MPPED2: variants seen among roughly 807,000 people sequenced by gnomAD.
The protein encoded by MPPED2 is metallophosphoesterase MPPED2.
A neutral mutation model predicts 33.0 loss-of-function variants in MPPED2; 5 were observed. The observed-to-expected ratio is 0.15, with a 90% CI of 0.08 to 0.32. The LOEUF (loss-of-function observed/expected upper bound fraction) is 0.32. Ranked by LOEUF, MPPED2 falls within the 10% of genes least tolerant of loss-of-function variation. The pLI is 1.00. For synonymous variants in MPPED2, 136 were observed against 141.9 expected, an observed-to-expected ratio of 0.96 and a Z score of 0.29; for missense variants, 275 against 372.1, an observed-to-expected ratio of 0.74 and a Z score of 2.15.
At chr11:30,506,510 T>TAACA (rs1440718457) in intron 3 of MPPED2, among the ~76,000 whole-genome samples, 1 of 152,194 alleles carries the variant, frequency 6.6e-6, no homozygotes, top group Non-Finnish European at 1.5e-5. Context: ...AATGATATGT[T>TAACA]TATTTTTCCC....
chr11:30,537,683 G>A (rs374481793), intron 2 of MPPED2, among the ~76,000 whole-genome samples: 1 of 152,114 alleles, frequency 6.6e-6, no homozygotes, highest in Admixed American at 6.6e-5. Context: ...AGGAGAGTAG[G>A]GAGGAAGGAA....
chr11:30,445,136 G>GA lies in MPPED2; in HGVS notation c.537-27504dup, dbSNP rs907914443. ...CATTGCCTGAATGACCTGTGACAAA[G>GA]AAAAAAAAATAAAGAGAGCAAAATC... On this transcript the variant is annotated intron_variant, in intron 4 of 6. Coordinates refer to ENST00000358117, the MANE Select transcript of MPPED2 (RefSeq NM_001584.3). 5.0e-4 allele frequency among the ~76,000 whole-genome samples: 76 copies of GA among 150,874 alleles called. No homozygotes were observed. In the East Asian group the frequency reaches 7.4e-3, roughly 15 times the overall value.
At chr11:30,527,448 G>A (rs543725221) in intron 3 of MPPED2, among the ~76,000 whole-genome samples, 44 of 151,458 alleles carry the variant, frequency 2.9e-4, no homozygotes, top group Non-Finnish European at 5.7e-4. Flanking sequence ...GACAGGAGCC[G>A]GTGGGCAAGG....
At chr11:30,385,755 C>A (rs1428296790) in exon 7 of MPPED2, 1 of 152,110 alleles carries the variant, frequency 6.6e-6, no homozygotes, top group Non-Finnish European at 1.5e-5. Context: ...ATATTCTCTG[C>A]CTGAACACTT....
chr11:30,574,383 T>C (rs1956831251), intron 2 of MPPED2, among the ~76,000 whole-genome samples: 1 of 152,202 alleles, frequency 6.6e-6, no homozygotes, highest in South Asian at 2.1e-4. Context: ...CTATACCATA[T>C]AGCCTAGGTG....
chr11:30,514,621 G>C (rs1434118821), intron 3 of MPPED2, among the ~76,000 whole-genome samples: 1 of 152,116 alleles, frequency 6.6e-6, no homozygotes. Context: ...TCAAAAAATA[G>C]TGTTTCAACC....
At chr11:30,557,821 T>C (rs892385061) in intron 2 of MPPED2, among the ~76,000 whole-genome samples, 1 of 152,168 alleles carries the variant, frequency 6.6e-6, no homozygotes, top group African/African-American at 2.4e-5. Context: ...GCAATGACCA[T>C]GAGGGATCCA....
intron 4 of MPPED2, among the ~76,000 whole-genome samples, chr11:30,452,317 T>C (rs1239291280): frequency 6.6e-6 from 1 of 152,192 alleles, no homozygotes; most frequent in African/African-American, 2.4e-5. Context: ...GGGTCCACAG[T>C]TGAGTCATCC....
At chr11:30,571,132 A>G (rs1302259433) in intron 2 of MPPED2, among the ~76,000 whole-genome samples, 1 of 151,772 alleles carries the variant, frequency 6.6e-6, no homozygotes, top group Non-Finnish European at 1.5e-5. Flanking sequence ...CCTATATTCC[A>G]TGGTGATGTT....
intron 6 of MPPED2, among the ~76,000 whole-genome samples, chr11:30,390,242 T>C (rs930914472): frequency 1.8e-4 from 27 of 152,252 alleles, no homozygotes; most frequent in Admixed American, 5.2e-4. Flanking sequence ...AAGATAGTGA[T>C]TGACTCCCCT....
intron 4 of MPPED2, 90 bp downstream of exon 4, chr11:30,495,206 C>A: frequency 1.1e-6 from 1 of 885,546 alleles, no homozygotes; most frequent in South Asian, 1.5e-5. Flanking sequence ...TCATCCTAAT[C>A]ATTTTCATTT....
intron 2 of MPPED2, among the ~76,000 whole-genome samples, chr11:30,551,473 G>GT (rs1955710666): frequency 6.6e-6 from 1 of 152,090 alleles, no homozygotes; most frequent in Non-Finnish European, 1.5e-5. Context: ...TTGAAAAATT[G>GT]TAAGTTTTCT....
intron 2 of MPPED2, among the ~76,000 whole-genome samples, chr11:30,579,162 T>A (rs2134900606): frequency 6.6e-6 from 1 of 151,908 alleles, no homozygotes; most frequent in East Asian, 1.9e-4. Context: ...GACCCTTTTG[T>A]TTGGTTAGCG....
At chr11:30,485,991 T>C (rs1184651100) in intron 4 of MPPED2, among the ~76,000 whole-genome samples, 1 of 152,160 alleles carries the variant, frequency 6.6e-6, no homozygotes. Context: ...GGCGGAAGGA[T>C]GTCCTGCGGC....
At chr11:30,395,650 T>C (rs1947831443) in intron 6 of MPPED2, among the ~76,000 whole-genome samples, 1 of 152,194 alleles carries the variant, frequency 6.6e-6, no homozygotes, top group African/African-American at 2.4e-5. Context: ...ACGGCTTAGT[T>C]TGGCCTCTTA....
At chr11:30,408,534 T>C (rs1200004000), downstream of MPPED2, among the ~76,000 whole-genome samples, 2 of 152,222 alleles carry the variant, frequency 1.3e-5, no homozygotes, top group Non-Finnish European at 2.9e-5. Context: ...ATGGTCTCAA[T>C]CTCTTGACCT....
chr11:30,443,848 G>T (rs1311044255), intron 4 of MPPED2, among the ~76,000 whole-genome samples: 1 of 152,154 alleles, frequency 6.6e-6, no homozygotes, highest in Admixed American at 6.5e-5. Context: ...CTCATCTTAA[G>T]CAGAGATGAA....
At chr11:30,406,041 C>T (rs1947984175), downstream of MPPED2, among the ~76,000 whole-genome samples, 1 of 152,122 alleles carries the variant, frequency 6.6e-6, no homozygotes, top group Non-Finnish European at 1.5e-5. Context: ...AAACAGCCAT[C>T]ATGTTCTGAG....
intron 2 of MPPED2, among the ~76,000 whole-genome samples, chr11:30,557,483 A>G (rs1956030943): frequency 6.6e-6 from 1 of 152,172 alleles, no homozygotes; most frequent in Non-Finnish European, 1.5e-5. Context: ...TCACTATTGT[A>G]TAATAAACAG....
Sources: gnomAD v4.1 joint callset for allele counts (sites outside exome capture counted in the v4.1 genomes callset) on GRCh38, gnomAD v4.1.1 for gene constraint, MANE v1.5 for transcripts, NCBI Gene and HGNC (gene_info 2026-07-23, HGNC 2026-07-21) for gene names.